The following MTUS2 variants were observed in gnomAD, a reference collection of about 807,000 sequenced individuals.
MTUS2 encodes microtubule-associated tumor suppressor candidate 2.
In MTUS2, 40 loss-of-function variants were observed where a neutral mutation model predicts 114.1. That is an observed-to-expected ratio of 0.35 (90% CI 0.27 to 0.46). MTUS2 has a LOEUF of 0.46. Ranked by LOEUF, MTUS2 falls within the 20% of genes least tolerant of loss-of-function variation. The probability of loss-of-function intolerance (pLI) is 1.00; values close to 1 mark genes in which losing one functional copy is unlikely to be tolerated. For missense variants in MTUS2, 1,679 were observed against 1,705.4 expected, an observed-to-expected ratio of 0.98 and a Z score of 0.27; for synonymous variants, 688 against 672.0, an observed-to-expected ratio of 1.02 and a Z score of -0.37.
chr13:29,000,983 C>T lies in MTUS2; in HGVS notation c.-242-23474C>T, dbSNP rs111867635. 3.8e-3 allele frequency among the ~76,000 whole-genome samples: 583 copies of T among 152,256 alleles called. 4 individuals are homozygous for T. The highest frequency in any genetic ancestry group is 0.013 in the African/African-American group (529 of 41,558). On this transcript the variant is annotated intron_variant, in intron 2 of 15. Coordinates refer to ENST00000612955, the MANE Select transcript of MTUS2 (RefSeq NM_001033602.4). ...AGTTCCGCTGAACACTTGTCAGCAG[C>T]GTTCTACAGTCCTTAGGGTAGGATC...
intron 2 of MTUS2, among the ~76,000 whole-genome samples, chr13:28,983,011 A>G (rs769346263): frequency 1.3e-5 from 2 of 152,234 alleles, no homozygotes; most frequent in African/African-American, 2.4e-5. Context: ...ACATTTTAAA[A>G]TGATTAAAAT....
intron 9 of MTUS2, among the ~76,000 whole-genome samples, chr13:29,441,759 T>G (rs1877894300): frequency 1.3e-5 from 2 of 152,254 alleles, no homozygotes; most frequent in African/African-American, 4.8e-5. Context: ...TGCCCTCCCG[T>G]GCATGCACAC....
At chr13:29,156,096 A>G (rs1385453449) in intron 5 of MTUS2, among the ~76,000 whole-genome samples, 1 of 152,140 alleles carries the variant, frequency 6.6e-6, no homozygotes, top group Non-Finnish European at 1.5e-5. Flanking sequence ...ACTTCATTAA[A>G]CATAATCACC....
At chr13:29,300,301 A>G (rs936671394) in intron 6 of MTUS2, among the ~76,000 whole-genome samples, 5 of 152,196 alleles carry the variant, frequency 3.3e-5, no homozygotes, top group African/African-American at 1.2e-4. Flanking sequence ...GTAGGACACT[A>G]AAACCCTAAT....
intron 2 of MTUS2, among the ~76,000 whole-genome samples, chr13:28,978,416 A>G (rs1884213322): frequency 6.6e-6 from 1 of 152,232 alleles, no homozygotes; most frequent in Admixed American, 6.5e-5. Flanking sequence ...AGATTAAGCA[A>G]CATAAAGGGC....
At chr13:29,460,688 T>C (rs1290552981) in intron 9 of MTUS2, among the ~76,000 whole-genome samples, 1 of 152,202 alleles carries the variant, frequency 6.6e-6, no homozygotes, top group African/African-American at 2.4e-5. Context: ...TCTCAGATGA[T>C]GTGAACGCAC....
Position 28,848,760 on chromosome 13 carries a change from C to T in MTUS2, c.-243+8910C>T, listed in dbSNP as rs566869023. ...GAGATATTTTTGGCTCGAATGGTCT[C>T]GATGTCAACCTACAAGGATTTGCCC... On this transcript the variant is annotated intron_variant, in intron 2 of 15. Transcript: ENST00000612955. Among the ~76,000 whole-genome samples the T allele has an allele frequency of 3.9e-5, 6 of 152,200 alleles. No individual in the cohort carries two copies. The South Asian group carries it at 1.0e-3, about 26-fold the overall frequency.
chr13:29,066,386 A>G (rs2042785169), intron 4 of MTUS2, among the ~76,000 whole-genome samples: 1 of 152,248 alleles, frequency 6.6e-6, no homozygotes, highest in African/African-American at 2.4e-5. Context: ...AATAATAGCA[A>G]TGCAGTGGTA....
chr13:29,350,563 T>A (rs1869145676), intron 7 of MTUS2, among the ~76,000 whole-genome samples: 2 of 152,048 alleles, frequency 1.3e-5, no homozygotes, highest in South Asian at 2.1e-4. Flanking sequence ...CAAGATCATC[T>A]TCTTCTTAAT....
chr13:29,272,983 CAG>C (rs143611452), intron 5 of MTUS2, among the ~76,000 whole-genome samples: 4,150 of 152,218 alleles, frequency 0.027, 166 homozygotes, highest in African/African-American at 0.096. Flanking sequence ...AATGTGGAAA[CAG>C]GGAGGAAGGT....
chr13:29,440,234 TCC>T (rs1186681106), intron 9 of MTUS2, among the ~76,000 whole-genome samples, 185 bp downstream of exon 9: 1 of 152,206 alleles, frequency 6.6e-6, no homozygotes, highest in Non-Finnish European at 1.5e-5. Context: ...TTTTCACGTC[TCC>T]GTTGTTATAA....
chr13:29,396,519 T>C (rs780843864), intron 8 of MTUS2, among the ~76,000 whole-genome samples: 1 of 152,258 alleles, frequency 6.6e-6, no homozygotes, highest in Non-Finnish European at 1.5e-5. Flanking sequence ...GCTTGGTTAA[T>C]GAAATTAAAT....
intron 2 of MTUS2, among the ~76,000 whole-genome samples, chr13:28,867,223 T>A (rs1877351307): frequency 6.6e-6 from 1 of 152,230 alleles, no homozygotes; most frequent in African/African-American, 2.4e-5. Flanking sequence ...AAGCAAATAC[T>A]TCTATCATTC....
At chr13:29,045,246 G>T (rs892663583) in intron 4 of MTUS2, among the ~76,000 whole-genome samples, 1 of 152,146 alleles carries the variant, frequency 6.6e-6, no homozygotes, top group Non-Finnish European at 1.5e-5. Flanking sequence ...ATTGGGTGAG[G>T]CTGAGAAATC....
chr13:29,339,214 G>A (rs1361746071), intron 7 of MTUS2, among the ~76,000 whole-genome samples: 2 of 152,124 alleles, frequency 1.3e-5, no homozygotes, highest in African/African-American at 4.8e-5. Flanking sequence ...TGTGGCCGGC[G>A]TACTTCCTGC....
intron 5 of MTUS2, among the ~76,000 whole-genome samples, chr13:29,154,003 T>C (rs115562944): frequency 4.7e-4 from 71 of 152,296 alleles, no homozygotes; most frequent in African/African-American, 1.6e-3. Context: ...CAAAAGAATC[T>C]ACTTGTCCCT....
Position 28,919,317 on chromosome 13 carries a change from T to G in MTUS2, c.-243+79467T>G, listed in dbSNP as rs78218391. ...GAAGGTCTTTATTTCTTCTGCTTTT[T>G]TGGTGGATATTTTTTGCCAGATATA... On this transcript the variant is annotated intron_variant, in intron 2 of 15. Coordinates refer to ENST00000612955, the MANE Select transcript of MTUS2 (RefSeq NM_001033602.4). Among the ~76,000 whole-genome samples the G allele has an allele frequency of 4.1e-3, 617 of 152,286 alleles. 4 individuals carry two copies. The highest frequency in any genetic ancestry group is 0.014 in the African/African-American group (588 of 41,566).
At chr13:28,913,020 G>A (rs897905471) in intron 2 of MTUS2, among the ~76,000 whole-genome samples, 1 of 152,070 alleles carries the variant, frequency 6.6e-6, no homozygotes, top group Non-Finnish European at 1.5e-5. Flanking sequence ...GGGCTGAGAC[G>A]ATGGGGTTTT....
At chr13:29,485,729 G>A (rs1593502878) in intron 10 of MTUS2, among the ~76,000 whole-genome samples, 1 of 152,368 alleles carries the variant, frequency 6.6e-6, no homozygotes, top group South Asian at 2.1e-4. Context: ...ACACAGTGTA[G>A]TACTGCCAGT....
Sources: allele counts gnomAD v4.1 joint callset (sites outside exome capture counted in the v4.1 genomes callset), GRCh38; gene constraint gnomAD v4.1.1; transcripts MANE v1.5; gene names NCBI Gene and HGNC (gene_info 2026-07-23, HGNC 2026-07-21).